Variants in RBFOX1 observed in about 807,000 individuals in gnomAD.
RBFOX1 encodes RNA binding protein fox-1 homolog 1.
In RBFOX1, 8 loss-of-function variants were observed where a neutral mutation model predicts 57.7. The ratio of observed to expected loss-of-function variants is 0.14; its 90% CI spans 0.08 to 0.25. The LOEUF is 0.25. Ranked by LOEUF, RBFOX1 falls within the 10% of genes least tolerant of loss-of-function variation. The probability of loss-of-function intolerance (pLI) is 1.00; values close to 1 mark genes in which losing one functional copy is unlikely to be tolerated. For missense variants in RBFOX1, 611 were observed against 548.5 expected, an observed-to-expected ratio of 1.11 and a Z score of -1.14; for synonymous variants, 326 against 222.4, an observed-to-expected ratio of 1.47 and a Z score of -4.15.
At chr16:7,368,274 A>T (rs2097500497) in intron 4 of RBFOX1, among the ~76,000 whole-genome samples, 1 of 151,856 alleles carries the variant, frequency 6.6e-6, no homozygotes, top group Admixed American at 6.6e-5. Flanking sequence ...CGAAAAAAAA[A>T]AAAAAGAGAG....
At chr16:6,553,895 G>C (rs146854886) in intron 2 of RBFOX1, among the ~76,000 whole-genome samples, 347 of 152,120 alleles carry the variant, frequency 2.3e-3, no homozygotes, top group African/African-American at 7.9e-3. Context: ...CGGTTTTATA[G>C]ATTTTGCACA....
At chr16:5,785,879 T>C (rs1475896928) in intron 3 of RBFOX1, among the ~76,000 whole-genome samples, 1 of 152,126 alleles carries the variant, frequency 6.6e-6, no homozygotes, top group African/African-American at 2.4e-5. Context: ...CCCACTGTCA[T>C]TACGTTAGAC....
chr16:7,271,538 G>A (rs777450549), intron 4 of RBFOX1, among the ~76,000 whole-genome samples: 32 of 151,908 alleles, frequency 2.1e-4, no homozygotes, highest in Non-Finnish European at 8.8e-5. Context: ...TTAAAGATAC[G>A]TGCATGTTAG....
chr16:6,873,954 G>T (rs530901407), intron 3 of RBFOX1: 2 of 152,232 alleles, frequency 1.3e-5, no homozygotes, highest in South Asian at 4.1e-4. Flanking sequence ...GAAGATTAGC[G>T]TGACCCCTGC....
chr16:6,197,399 A>G (rs1240961597), intron 1 of RBFOX1, among the ~76,000 whole-genome samples: 1 of 152,094 alleles, frequency 6.6e-6, no homozygotes. Context: ...AATCTGCACC[A>G]TGGTGAATCA....
intron 13 of RBFOX1, among the ~76,000 whole-genome samples, chr16:7,673,398 C>A (rs1032348421): frequency 4.6e-5 from 7 of 152,148 alleles, no homozygotes; most frequent in Non-Finnish European, 7.3e-5. Context: ...TAATACCCCA[C>A]AAGCATAATT....
chr16:6,289,653 A>G (rs1191471828), intron 1 of RBFOX1, among the ~76,000 whole-genome samples: 1 of 152,178 alleles, frequency 6.6e-6, no homozygotes, highest in African/African-American at 2.4e-5. Context: ...GACTCAAAAC[A>G]TAGCTGGCCC....
intron 3 of RBFOX1, among the ~76,000 whole-genome samples, chr16:6,874,669 C>T (rs892958543): frequency 1.3e-5 from 2 of 152,010 alleles, no homozygotes; most frequent in African/African-American, 4.8e-5. Flanking sequence ...TCCCGAGTTC[C>T]TTAACATTGT....
At chr16:7,571,595 G>A (rs1361958277) in intron 5 of RBFOX1, among the ~76,000 whole-genome samples, 1 of 152,122 alleles carries the variant, frequency 6.6e-6, no homozygotes, top group African/African-American at 2.4e-5. Context: ...GATACCTGGG[G>A]AGTTTGTGTA....
rs1382334749 is a variant in RBFOX1, at chr16:5,370,343, A to T, written c.220-96873A>T. Among the ~76,000 whole-genome samples the T allele has an allele frequency of 2.6e-5, 4 of 151,874 alleles. No homozygotes were observed. The East Asian group carries it at 7.7e-4, about 29-fold the overall frequency. On this transcript the variant is annotated intron_variant, in intron 1 of 2. Transcript: ENST00000585867. ...TTGTGTTCTCTTCCCTTCTTTAGAC[A>T]TTCAGCTGTTTGACGTCCTCCCTGG...
chr16:6,617,402 G>C (rs2098159116), intron 2 of RBFOX1, among the ~76,000 whole-genome samples: 1 of 152,014 alleles, frequency 6.6e-6, no homozygotes, highest in Non-Finnish European at 1.5e-5. Flanking sequence ...TAGGAATTAT[G>C]ACACTCATGC....
At chr16:6,793,489 C>G (rs1244048864) in intron 3 of RBFOX1, among the ~76,000 whole-genome samples, 1 of 152,066 alleles carries the variant, frequency 6.6e-6, no homozygotes, top group Non-Finnish European at 1.5e-5. Flanking sequence ...GTTGGTATTC[C>G]TGAGTGTTTT....
intron 6 of RBFOX1, among the ~76,000 whole-genome samples, chr16:7,582,477 C>T (rs1260332483): frequency 6.6e-6 from 1 of 152,170 alleles, no homozygotes; most frequent in Non-Finnish European, 1.5e-5. Flanking sequence ...CAGTTTTATG[C>T]ACTAAAAATC....
chr16:7,684,881 C>T (rs915838140), intron 14 of RBFOX1, among the ~76,000 whole-genome samples: 6 of 152,016 alleles, frequency 3.9e-5, no homozygotes, highest in Non-Finnish European at 4.4e-5. Flanking sequence ...ATGATCGTTT[C>T]CCCACTATTT....
At chr16:6,512,527 C>A (rs764475332) in intron 2 of RBFOX1, among the ~76,000 whole-genome samples, 22 of 152,146 alleles carry the variant, frequency 1.4e-4, no homozygotes, top group African/African-American at 5.3e-4. Flanking sequence ...AGGGTCTGGA[C>A]CAAGACTGGG....
intron 2 of RBFOX1, among the ~76,000 whole-genome samples, chr16:5,542,818 C>T (rs917501412): frequency 2.6e-5 from 4 of 152,188 alleles, no homozygotes; most frequent in African/African-American, 7.2e-5. Context: ...ATTAATAAGG[C>T]AGAGTCCCCT....
rs373092856 is a variant in RBFOX1 at position 6,003,147 on chromosome 16, C to T, written c.351+135812C>T. On this transcript the variant is annotated intron_variant, in intron 4 of 19. Transcript: ENST00000641259. The stretch of plus-strand genomic sequence containing the variant: ...ACAAAAAATTAGCTGGGCGTGGTGG[C>T]GGGCGGTTGTAGTCCCAGGTACTCC... Among the ~76,000 whole-genome samples the T allele has an allele frequency of 7.2e-5, 11 of 152,114 alleles. No homozygotes were observed. The East Asian group carries it at 1.7e-3, about 24-fold the overall frequency.
At chr16:5,788,387 G>A (rs1040440802) in intron 3 of RBFOX1, among the ~76,000 whole-genome samples, 15 of 152,158 alleles carry the variant, frequency 9.9e-5, no homozygotes, top group African/African-American at 2.9e-4. Context: ...CCAGCACATC[G>A]GGAGGTCGAG....
At chr16:6,618,011 G>C (rs988605668) in intron 2 of RBFOX1, among the ~76,000 whole-genome samples, 2 of 152,088 alleles carry the variant, frequency 1.3e-5, no homozygotes, top group Non-Finnish European at 2.9e-5. Context: ...TATCCACCTG[G>C]CAAATACCTC....
Sources: gnomAD v4.1 joint callset for allele counts (sites outside exome capture counted in the v4.1 genomes callset) on GRCh38, gnomAD v4.1.1 for gene constraint, MANE v1.5 for transcripts, NCBI Gene and HGNC (gene_info 2026-07-23, HGNC 2026-07-21) for gene names.